The following FH variants were observed in gnomAD, a reference collection of about 807,000 sequenced individuals.
FH encodes the protein fumarate hydratase.
Under a neutral mutation model 49.4 loss-of-function variants are expected in FH, and 22 were observed. The observed-to-expected ratio is 0.45, with a 90% confidence interval of 0.32 to 0.64. FH has a LOEUF of 0.64. FH is among the 30% of genes least tolerant of loss of function. FH has a pLI of 0.05. For synonymous variants in FH, 208 were observed against 223.0 expected, an observed-to-expected ratio of 0.93 and a Z score of 0.60; for missense variants, 526 against 641.5, an observed-to-expected ratio of 0.82 and a Z score of 1.95.
intron 2 of FH, 85 bp from the exon 3 acceptor site, chr1:241,513,798 C>T (rs1660151157): frequency 2.0e-6 from 2 of 1,025,362 alleles, no homozygotes; most frequent in African/African-American, 1.6e-5. Flanking sequence ...AAAAGCTATA[C>T]ATAAAACAAT....
chr1:241,516,153 C>G (rs889594336), intron 2 of FH, among the ~76,000 whole-genome samples: 2 of 151,750 alleles, frequency 1.3e-5, no homozygotes, highest in Non-Finnish European at 2.9e-5. Flanking sequence ...ACTGTAGAAC[C>G]CTAGTAAAAA....
At chr1:241,507,171 C>T (rs567126873) in intron 5 of FH, among the ~76,000 whole-genome samples, 1 of 152,248 alleles carries the variant, frequency 6.6e-6, no homozygotes, top group Non-Finnish European at 1.5e-5. Context: ...TGTACCTTTT[C>T]TACATTTAGA....
intron 4 of FH, among the ~76,000 whole-genome samples, chr1:241,510,512 G>A (rs958351364): frequency 2.2e-4 from 33 of 152,044 alleles, no homozygotes; most frequent in African/African-American, 8.0e-4. Flanking sequence ...ATAAATAAAT[G>A]GGACAGAGAG....
intron 9 of FH, 137 bp downstream of exon 9, chr1:241,500,300 A>G: frequency 2.4e-6 from 2 of 837,878 alleles, no homozygotes; most frequent in South Asian, 2.9e-5. Flanking sequence ...ACACAATTTC[A>G]AATATTTTGA....
intron 3 of FH, 44 bp downstream of exon 3, chr1:241,513,559 C>T (rs1297705415): frequency 1.5e-6 from 2 of 1,370,346 alleles, no homozygotes. Context: ...CAGAGTATGG[C>T]ATGGGTCTGA....
chr1:241,501,810 C>A (rs12058914), intron 8 of FH, among the ~76,000 whole-genome samples: 7,434 of 152,120 alleles, frequency 0.049, 663 homozygotes, highest in African/African-American at 0.17. Context: ...AGAAATGGCG[C>A]GATGCATCTA....
intron 8 of FH, among the ~76,000 whole-genome samples, chr1:241,501,761 T>C (rs1465829354): frequency 6.6e-6 from 1 of 152,220 alleles, no homozygotes; most frequent in East Asian, 1.9e-4. Context: ...CTCTAAATTA[T>C]GGCAACAGCT....
rs969560424 is a variant in FH, at chr1:241,500,387, G to A, written c.1390+50C>T. On this transcript the variant is annotated intron_variant, in intron 9 of 9. Transcript: ENST00000366560. ...CCACTTGTCTCTTAAAAATGGTTTA[G>A]CTTTTTAATTTTGCATTCAAAATGA... 8 of 1,577,726 alleles carry A rather than the reference G, an allele frequency of 5.1e-6. No homozygotes were observed. The highest frequency in any genetic ancestry group is 1.3e-5 in the African/African-American group (1 of 74,296).
chr1:241,502,618 T>C (rs1375951348), intron 7 of FH, 48 bp from the exon 8 acceptor site: 1 of 1,599,382 alleles, frequency 6.3e-7, no homozygotes, highest in African/African-American at 1.3e-5. Flanking sequence ...TTTATGCAAA[T>C]AATCAGGAGA....
rs147447200 is a variant in FH at position 241,507,803 on chromosome 1, A to G, written c.738+800T>C. On this transcript the variant is annotated intron_variant, in intron 5 of 9. Coordinates refer to ENST00000366560, the MANE Select transcript of FH (RefSeq NM_000143.4). ...AGAAGCAACTCAATCCAGTGAGTTC[A>G]ATTTAGTCCCATCATTTGTTTTTCA... 5.8e-3 allele frequency among the ~76,000 whole-genome samples: 879 copies of G among 152,302 alleles called. 10 individuals are homozygous for G. The highest frequency in any genetic ancestry group is 0.02 in the African/African-American group (839 of 41,568).
rs863224010 is a variant in FH at position 241,497,967 on chromosome 1, T to C, written c.1394A>G (p.Tyr465Cys). ...LVTALNPHIG[Y>C]DKAAKIAKTA... is the part of the protein sequence containing the mutation. ...CTTAGCAATCTTTGCTGCCTTGTCATACCCTGAAGAAAAAATAAAAAGACG... is the reference window on the plus strand; with the variant it reads ...CTTAGCAATCTTTGCTGCCTTGTCACACCCTGAAGAAAAAATAAAAAGACG... The change falls in exon 10 of 10, where the codon TAT becomes TGT. Residue 465 changes from tyrosine to cysteine, a missense_variant. Physicochemically the swap from Tyr to Cys is radical, Grantham distance 194. Coordinates refer to ENST00000366560, the MANE Select transcript of FH (RefSeq NM_000143.4). The C allele has an allele frequency of 6.2e-7, 1 of 1,613,884 alleles. No homozygotes were observed. Among genetic ancestry groups the C allele is most frequent in the Non-Finnish European group, 8.5e-7 (1 of 1,179,946 alleles).
At chr1:241,506,189 A>G in intron 5 of FH, 21 bp from the exon 6 acceptor site, 2 of 1,580,436 alleles carry the variant, frequency 1.3e-6, no homozygotes, top group Non-Finnish European at 8.7e-7. Flanking sequence ...AAGAAAATTA[A>G]GGTAAGAATA....
At chr1:241,508,354 T>C (rs1659981800) in intron 5 of FH, among the ~76,000 whole-genome samples, 1 of 152,208 alleles carries the variant, frequency 6.6e-6, no homozygotes, top group African/African-American at 2.4e-5. Flanking sequence ...TATGGTCCCA[T>C]AGCTTGTACA....
In FH at chr1:241,506,161, C is replaced by G. The variant is rs777643800; in HGVS notation, c.746G>C (p.Ser249Thr). The G allele has an allele frequency of 6.2e-7, 1 of 1,612,434 alleles. No homozygotes were observed. The highest frequency in any genetic ancestry group is 1.1e-5 in the South Asian group (1 of 91,006). The change falls in exon 6 of 10, where the codon AGT (serine) becomes ACT (threonine). Residue 249 changes from serine (S) to threonine (T), a missense_variant. Coordinates refer to ENST00000366560, the MANE Select transcript of FH (RefSeq NM_000143.4). ...AVPLTLGQEF[S>T]GYVQQVKYAM... ...ATATTTTACTTGTTGAACATAACCA[C>G]TAAATTCCTGAAAAGAAAAGAAAAT...
At chr1:241,500,402 A>G (rs1341103481) in intron 9 of FH, 35 bp downstream of exon 9, 1 of 1,606,490 alleles carries the variant, frequency 6.2e-7, no homozygotes, top group Admixed American at 1.7e-5. Context: ...TTAATTTTGC[A>G]TTCAAAATGA....
At chr1:241,513,534 G>C (rs1660141613) in intron 3 of FH, 69 bp downstream of exon 3, 9 of 1,134,932 alleles carry the variant, frequency 7.9e-6, no homozygotes, top group Admixed American at 1.7e-5. Context: ...CCTTCTGCCA[G>C]AGCATATCGT....
rs1660236614 is a variant in FH at position 241,517,047 on chromosome 1, C to T, written c.267+135G>A. 7 of 1,007,454 alleles carry T rather than the reference C, an allele frequency of 6.9e-6. No individual in the cohort carries two copies. The Admixed American group carries it at 1.4e-4, about 21-fold the overall frequency. 62.4% of individuals were successfully genotyped at this position (1,007,454 alleles called of 1,614,324 possible). A position where few individuals can be genotyped will look rare whatever the true frequency, so the allele number is the denominator to read the frequency against. On this transcript the variant is annotated intron_variant, in intron 2 of 9. Coordinates refer to ENST00000366560, the MANE Select transcript of FH (RefSeq NM_000143.4). ...TCTTTAACATTTTAGTGAAAGAGAA[C>T]CTCTTATTACTCACGAAGCCATCTT... is the stretch of plus-strand genomic sequence containing the variant.
Position 241,504,273 on chromosome 1 carries a change from G to T in FH, c.905-28C>A, listed in dbSNP as rs199539806. On this transcript the variant is annotated intron_variant, in intron 6 of 9. Coordinates refer to ENST00000366560, the MANE Select transcript of FH (RefSeq NM_000143.4). ...AAAGAAAAGAAAAATATCCTAGATGGGTGAACAAGTTAAACTAAACATTTT... is the reference window on the plus strand; with the variant it reads ...AAAGAAAAGAAAAATATCCTAGATGTGTGAACAAGTTAAACTAAACATTTT... 1.0e-5 allele frequency: 16 copies of T among 1,590,180 alleles called. No homozygotes were observed. The East Asian group carries it at 1.1e-4, about 11-fold the overall frequency.
chr1:241,513,516 T>TC (rs1187366123), intron 3 of FH, 87 bp downstream of exon 3: 12 of 975,832 alleles, frequency 1.2e-5, no homozygotes, highest in Non-Finnish European at 1.8e-5. Flanking sequence ...AATTCACAGT[T>TC]CCCCTTTCCT....
Sources: gnomAD v4.1 joint callset for allele counts (sites outside exome capture counted in the v4.1 genomes callset) on GRCh38, gnomAD v4.1.1 for gene constraint, MANE v1.5 for transcripts, NCBI Gene and HGNC (gene_info 2026-07-23, HGNC 2026-07-21) for gene names.